The following AKT3 variants were observed in gnomAD, a reference collection of about 807,000 sequenced individuals.
AKT3 encodes the protein AKT serine/threonine kinase 3, also known as RAC-gamma serine/threonine-protein kinase.
Under a neutral mutation model 65.3 loss-of-function variants are expected in AKT3, and 15 were observed. The ratio of observed to expected loss-of-function variants is 0.23; its 90% CI spans 0.15 to 0.35. The LOEUF (loss-of-function observed/expected upper bound fraction) is 0.35. Among genes scored for constraint, AKT3 ranks in the 10% least tolerant of loss-of-function variants. The probability of loss-of-function intolerance (pLI) is 1.00; values close to 1 mark genes in which losing one functional copy is unlikely to be tolerated. For synonymous variants in AKT3, 206 were observed against 183.8 expected (o/e 1.12, Z -0.98); for missense variants, 243 against 576.5 (o/e 0.42, Z 5.92).
intron 11 of AKT3, among the ~76,000 whole-genome samples, chr1:243,551,297 G>A (rs933610870): frequency 1.7e-4 from 26 of 152,060 alleles, no homozygotes; most frequent in African/African-American, 6.0e-4. Context: ...GAAAAAGCAA[G>A]GGAATTAATA....
chr1:243,642,515 T>C (rs376344250), intron 5 of AKT3, among the ~76,000 whole-genome samples: 71 of 152,232 alleles, frequency 4.7e-4, no homozygotes, highest in East Asian at 1.7e-3. Flanking sequence ...TTCACCGTGT[T>C]AGCCAGGATG....
At chr1:243,537,404 C>T (rs1409494855) in intron 12 of AKT3, among the ~76,000 whole-genome samples, 1 of 152,114 alleles carries the variant, frequency 6.6e-6, no homozygotes, top group Non-Finnish European at 1.5e-5. Flanking sequence ...AAATTAATTA[C>T]CAAAAACCAG....
intron 1 of AKT3, among the ~76,000 whole-genome samples, chr1:243,847,898 C>G (rs1218254552): frequency 6.6e-6 from 1 of 152,032 alleles, no homozygotes; most frequent in Non-Finnish European, 1.5e-5. Context: ...GAGTCGATGT[C>G]AAGATTATTA....
intron 6 of AKT3, among the ~76,000 whole-genome samples, chr1:243,629,981 C>T (rs1250033695): frequency 2.6e-5 from 4 of 152,068 alleles, no homozygotes; most frequent in Non-Finnish European, 4.4e-5. Flanking sequence ...TCCCCCCACT[C>T]CCATATATAG....
intron 8 of AKT3, among the ~76,000 whole-genome samples, chr1:243,582,439 A>G (rs1430143037): frequency 6.5e-5 from 7 of 107,536 alleles, no homozygotes; most frequent in African/African-American, 2.2e-4. Flanking sequence ...ACCTATTTTT[A>G]GCTTTCTCAA....
chr1:243,537,984 C>A (rs960866363), intron 12 of AKT3, among the ~76,000 whole-genome samples: 3 of 152,042 alleles, frequency 2.0e-5, no homozygotes, highest in Admixed American at 6.6e-5. Flanking sequence ...GTTAAAGGAG[C>A]CTTATAATCA....
intron 8 of AKT3, among the ~76,000 whole-genome samples, chr1:243,597,435 T>G (rs571144915): frequency 2.4e-3 from 362 of 152,318 alleles, no homozygotes; most frequent in Middle Eastern, 0.014. Context: ...TTTTATCTTC[T>G]GTTTCATACC....
chr1:243,689,703 C>T (rs1684568665), intron 3 of AKT3, among the ~76,000 whole-genome samples: 1 of 152,014 alleles, frequency 6.6e-6, no homozygotes, highest in African/African-American at 2.4e-5. Flanking sequence ...GCCTATAATT[C>T]TAGCACTTTG....
intron 6 of AKT3, among the ~76,000 whole-genome samples, chr1:243,618,874 G>C (rs1355689244): frequency 8.6e-6 from 1 of 116,702 alleles, no homozygotes; most frequent in Non-Finnish European, 2.1e-5. Flanking sequence ...AGGTGTAGGA[G>C]AGGGCAAACA....
intron 13 of AKT3, among the ~76,000 whole-genome samples, chr1:243,505,761 G>A (rs192489026): frequency 2.0e-5 from 3 of 152,238 alleles, no homozygotes; most frequent in Non-Finnish European, 1.5e-5. Flanking sequence ...TTTTTTCTTT[G>A]TGATGCTTTA....
intron 2 of AKT3, among the ~76,000 whole-genome samples, chr1:243,706,781 C>T (rs1237648484): frequency 1.3e-5 from 2 of 152,204 alleles, no homozygotes; most frequent in African/African-American, 4.8e-5. Context: ...GCTTCACTTA[C>T]AGAGCCCTCT....
chr1:243,646,045 A>C lies in AKT3; in HGVS notation c.285-8T>G. 1 of 1,579,558 alleles carries C rather than the reference A, an allele frequency of 6.3e-7. No homozygotes were observed. The highest frequency in any genetic ancestry group is 8.6e-7 in the Non-Finnish European group (1 of 1,168,844). On this transcript the variant is annotated splice_polypyrimidine_tract_variant and splice_region_variant and intron_variant, in intron 4 of 13. Coordinates refer to ENST00000673466, the MANE Select transcript of AKT3 (RefSeq NM_005465.7). ...GCTTCTGTCCATTCTTCCCTATAAAAATGAGTAAAATTTCCCATTAATAGA... is the reference window on the plus strand; with the variant it reads ...GCTTCTGTCCATTCTTCCCTATAAACATGAGTAAAATTTCCCATTAATAGA...
chr1:243,688,054 C>T (rs1310262736), intron 3 of AKT3, among the ~76,000 whole-genome samples: 3 of 151,800 alleles, frequency 2.0e-5, no homozygotes, highest in African/African-American at 7.3e-5. Context: ...TATCAATTAC[C>T]TTGATTTCAT....
chr1:243,754,637 C>T (rs1485528790), intron 2 of AKT3, among the ~76,000 whole-genome samples: 2 of 152,192 alleles, frequency 1.3e-5, no homozygotes, highest in African/African-American at 2.4e-5. Flanking sequence ...CAGATTCTCA[C>T]AGGAGTGCGA....
rs532567616 is a variant in AKT3, at chr1:243,552,638, T to G, written c.1163+91A>C. On this transcript the variant is annotated intron_variant, in intron 11 of 13. Transcript: ENST00000673466. ...AAGATGTCTACACCAAATACATTGC[T>G]TCTTGGAGTTAGTTATATTTGAATT... 4 of 1,165,644 alleles carry G rather than the reference T, an allele frequency of 3.4e-6. No homozygotes were observed. The East Asian group carries it at 9.6e-5, about 28-fold the overall frequency. 72.2% of individuals were successfully genotyped at this position (1,165,644 alleles called of 1,614,324 possible). A position where few individuals can be genotyped will look rare whatever the true frequency, so the allele number is the denominator to read the frequency against.
At chr1:243,641,119 C>T (rs967606909) in intron 5 of AKT3, among the ~76,000 whole-genome samples, 3 of 151,894 alleles carry the variant, frequency 2.0e-5, no homozygotes, top group Admixed American at 1.3e-4. Context: ...GGCTTCCTGC[C>T]CTCGAACATC....
chr1:243,541,396 C>T (rs1367750338), intron 12 of AKT3, among the ~76,000 whole-genome samples: 1 of 151,570 alleles, frequency 6.6e-6, no homozygotes, highest in East Asian at 1.9e-4. Context: ...GCTACAGGAC[C>T]CTTCAGCTTG....
At position 243,608,045 on chromosome 1, in the gene AKT3, G is replaced by A. The variant is rs138326722; in HGVS notation, c.696+5626C>T. On this transcript the variant is annotated intron_variant, in intron 8 of 13. Coordinates refer to ENST00000673466, the MANE Select transcript of AKT3 (RefSeq NM_005465.7). ...ACCTCTTTCCTTTATAAATTACCCCGTCTGGGGCAGTTCTTTTCAGCAGTG... is the reference window on the plus strand; with the variant it reads ...ACCTCTTTCCTTTATAAATTACCCCATCTGGGGCAGTTCTTTTCAGCAGTG... 4.4e-4 allele frequency among the ~76,000 whole-genome samples: 67 copies of A among 152,214 alleles called. No homozygotes were observed. The East Asian group carries it at 6.2e-3, about 14-fold the overall frequency.
rs192222716 is a variant in AKT3, at chr1:243,836,509, T to G, written c.46+6616A>C. Among the ~76,000 whole-genome samples the G allele has an allele frequency of 9.7e-4, 144 of 148,370 alleles. 1 individual carries two copies. The highest frequency in any genetic ancestry group is 2.8e-4 in the Non-Finnish European group (19 of 67,422). ...GAGTCAGTGAAGACATAGAAGACTATGACCCATTACCAATCATCTTGACTA... is the reference window on the plus strand; with the variant it reads ...GAGTCAGTGAAGACATAGAAGACTAGGACCCATTACCAATCATCTTGACTA... On this transcript the variant is annotated intron_variant, in intron 2 of 13. Coordinates refer to ENST00000673466, the MANE Select transcript of AKT3 (RefSeq NM_005465.7).
Sources: gnomAD v4.1 joint callset for allele counts (sites outside exome capture counted in the v4.1 genomes callset) on GRCh38, gnomAD v4.1.1 for gene constraint, MANE v1.5 for transcripts, NCBI Gene and HGNC (gene_info 2026-07-23, HGNC 2026-07-21) for gene names.